RASAL2: variants seen among roughly 807,000 people sequenced by gnomAD.
RASAL2 encodes ras GTPase-activating protein nGAP.
RASAL2 carries 58 observed loss-of-function variants against 128.9 expected under a neutral mutation model. That is an observed-to-expected ratio of 0.45 (90% confidence interval 0.36 to 0.56). The LOEUF (loss-of-function observed/expected upper bound fraction) is 0.56, where lower values mean the gene tolerates loss of function less well. Ranked by LOEUF, RASAL2 falls within the 20% of genes least tolerant of loss-of-function variation. RASAL2 has a pLI of 0.00. For missense variants in RASAL2, 1,360 were observed against 1,601.6 expected, an observed-to-expected ratio of 0.85 and a Z score of 2.57; for synonymous variants, 561 against 580.8, an observed-to-expected ratio of 0.97 and a Z score of 0.49.
intron 1 of RASAL2, among the ~76,000 whole-genome samples, chr1:178,164,506 C>CGT (rs3040802): frequency 2.4e-3 from 210 of 89,336 alleles, no homozygotes; most frequent in East Asian, 4.7e-3. Flanking sequence ...TGTGTGTGTG[C>CGT]GTGTGTGTGT....
At chr1:178,174,452 A>T (rs946654066) in intron 1 of RASAL2, among the ~76,000 whole-genome samples, 1 of 152,120 alleles carries the variant, frequency 6.6e-6, no homozygotes, top group Non-Finnish European at 1.5e-5. Context: ...GCAGAAACAA[A>T]TGCTGTACTT....
chr1:178,465,814 AAAAGAAAAAGAAAAAAAG>A, intron 15 of RASAL2, 88 bp from the exon 16 acceptor site: 2 of 1,100,050 alleles, frequency 1.8e-6, no homozygotes, highest in Non-Finnish European at 2.5e-6. Flanking sequence ...AAAAAAAGAA[AAAAGAAAAAGAAAAAAAG>A]AAAGAAAGAG....
intron 2 of RASAL2, among the ~76,000 whole-genome samples, chr1:178,286,767 A>G (rs1436629501): frequency 1.3e-5 from 2 of 151,550 alleles, no homozygotes; most frequent in Non-Finnish European, 1.5e-5. Context: ...CCCCTGGGCC[A>G]TTATTATCTC....
At position 178,470,732 on chromosome 1, in the gene RASAL2, AC is replaced by A. The variant is rs1283262663; in HGVS notation, c.3679-2339del. On this transcript the variant is annotated intron_variant, in intron 17 of 17. Transcript: ENST00000367649. Reference sequence around the variant, plus strand: ...TGAGATTATTCAAACAGGCAAGTAAACCCCGCGTCCGTTCTCTAGCTGAGCA... The same window carrying A: ...TGAGATTATTCAAACAGGCAAGTAAACCCGCGTCCGTTCTCTAGCTGAGCA... 3.7e-6 allele frequency: 5 copies of A among 1,365,278 alleles called. No individual in the cohort carries two copies. In the South Asian group the frequency reaches 5.7e-5, roughly 16 times the overall value. 84.6% of individuals were successfully genotyped at this position (1,365,278 alleles called of 1,614,324 possible).
chr1:178,335,959 T>C (rs1669566634), intron 3 of RASAL2, among the ~76,000 whole-genome samples: 2 of 151,782 alleles, frequency 1.3e-5, no homozygotes, highest in Admixed American at 1.3e-4. Flanking sequence ...AAGATAAATT[T>C]GGAGTAGTTT....
At chr1:178,436,050 C>T (rs1450341900) in intron 5 of RASAL2, among the ~76,000 whole-genome samples, 1 of 152,030 alleles carries the variant, frequency 6.6e-6, no homozygotes, top group African/African-American at 2.4e-5. Flanking sequence ...AAAATCAATT[C>T]AGAAGGAGGT....
chr1:178,205,239 A>G (rs1480903555), intron 1 of RASAL2, among the ~76,000 whole-genome samples: 1 of 152,060 alleles, frequency 6.6e-6, no homozygotes, highest in Non-Finnish European at 1.5e-5. Flanking sequence ...TCCTGACCTC[A>G]GGTGATTTGC....
chr1:178,339,286 G>C (rs1008489490), intron 3 of RASAL2, among the ~76,000 whole-genome samples: 2 of 152,202 alleles, frequency 1.3e-5, no homozygotes, highest in African/African-American at 2.4e-5. Flanking sequence ...AGGTGGGATC[G>C]TGGTCAATAG....
At chr1:178,264,718 TCAC>T (rs1188041362) in intron 1 of RASAL2, among the ~76,000 whole-genome samples, 4 of 152,198 alleles carry the variant, frequency 2.6e-5, no homozygotes, top group Admixed American at 6.5e-5. Context: ...GTGGATGTAT[TCAC>T]CAACCTGGGA....
chr1:178,113,349 C>G (rs992574832), intron 1 of RASAL2, among the ~76,000 whole-genome samples: 1 of 151,866 alleles, frequency 6.6e-6, no homozygotes, highest in Non-Finnish European at 1.5e-5. Flanking sequence ...TGTTCTGTCA[C>G]CCAGGCTGGA....
intron 5 of RASAL2, among the ~76,000 whole-genome samples, chr1:178,422,270 C>G (rs1377795346): frequency 6.6e-6 from 1 of 151,900 alleles, no homozygotes; most frequent in Admixed American, 6.6e-5. Flanking sequence ...TTATATTCTC[C>G]CAGAGTCTCT....
At chr1:178,462,710 G>C (rs1460585045) in intron 14 of RASAL2, among the ~76,000 whole-genome samples, 3 of 152,034 alleles carry the variant, frequency 2.0e-5, no homozygotes, top group Non-Finnish European at 4.4e-5. Context: ...TGTATGCCAA[G>C]CAAAGTGCTA....
At position 178,199,900 on chromosome 1, in the gene RASAL2, A is replaced by G. The variant is rs563161390; in HGVS notation, c.203-83664A>G. On this transcript the variant is annotated intron_variant, in intron 1 of 17. Coordinates refer to ENST00000367649, the MANE Select transcript of RASAL2 (RefSeq NM_170692.4). ...AATCAGCTGCCAGCGTGGCCAGAAT[A>G]AAAAACAGGCAGAAGATCGTGGAGA... Among the ~76,000 whole-genome samples, 243 of 152,276 alleles carry G rather than the reference A, an allele frequency of 1.6e-3. 1 individual carries two copies. Among genetic ancestry groups the G allele is most frequent in the African/African-American group, 5.7e-3 (237 of 41,554 alleles).
chr1:178,253,800 T>C (rs748644644), intron 1 of RASAL2, among the ~76,000 whole-genome samples: 5 of 152,136 alleles, frequency 3.3e-5, no homozygotes, highest in Admixed American at 1.3e-4. Context: ...TCTTTTATGG[T>C]GGAATGTCAT....
chr1:178,359,033 A>G (rs1386152189), intron 3 of RASAL2, among the ~76,000 whole-genome samples: 1 of 152,236 alleles, frequency 6.6e-6, no homozygotes, highest in Non-Finnish European at 1.5e-5. Context: ...TAATATTTAA[A>G]TGGAAAAAGT....
At chr1:178,376,184 G>C (rs1020220829) in intron 3 of RASAL2, among the ~76,000 whole-genome samples, 1 of 152,094 alleles carries the variant, frequency 6.6e-6, no homozygotes, top group African/African-American at 2.4e-5. Flanking sequence ...AAAAGCCAAA[G>C]AGAAGTCAGA....
At chr1:178,332,444 G>A (rs969709342) in intron 3 of RASAL2, among the ~76,000 whole-genome samples, 1 of 151,858 alleles carries the variant, frequency 6.6e-6, no homozygotes, top group Non-Finnish European at 1.5e-5. Context: ...GGCAGAAGTT[G>A]CAGTGAGCCG....
intron 1 of RASAL2, among the ~76,000 whole-genome samples, chr1:178,245,011 A>C (rs765360836): frequency 2.6e-5 from 4 of 152,140 alleles, no homozygotes; most frequent in Non-Finnish European, 5.9e-5. Context: ...AGTTTTTGCT[A>C]TTGTAAATAG....
chr1:178,451,786 C>G, intron 10 of RASAL2, 71 bp downstream of exon 10: 1 of 1,491,376 alleles, frequency 6.7e-7, no homozygotes, highest in Non-Finnish European at 9.0e-7. Flanking sequence ...TACATTTTTT[C>G]ATGTAAAAGT....
Sources: allele counts gnomAD v4.1 joint callset (sites outside exome capture counted in the v4.1 genomes callset), GRCh38; gene constraint gnomAD v4.1.1; transcripts MANE v1.5; gene names NCBI Gene and HGNC (gene_info 2026-07-23, HGNC 2026-07-21).